LRRC63: variants seen among roughly 807,000 people sequenced by gnomAD.
The protein encoded by LRRC63 is leucine-rich repeat-containing protein 63.
In LRRC63, 40 loss-of-function variants were observed where a neutral mutation model predicts 49.5. The ratio of observed to expected loss-of-function variants is 0.81; its 90% CI spans 0.63 to 1.05. LRRC63 has a LOEUF of 1.05. LRRC63 is among the 50% of genes least tolerant of loss of function. The pLI is 0.00. For missense variants in LRRC63, 636 were observed against 663.1 expected, an observed-to-expected ratio of 0.96 and a Z score of 0.45; for synonymous variants, 191 against 221.1, an observed-to-expected ratio of 0.86 and a Z score of 1.21.
intron 5 of LRRC63, among the ~76,000 whole-genome samples, chr13:46,236,645 C>T (rs2046913276): frequency 6.6e-6 from 1 of 152,094 alleles, no homozygotes; most frequent in South Asian, 2.1e-4. Flanking sequence ...CATTTGTTGC[C>T]AGTACACCTG....
At chr13:46,265,689 A>G (rs2047675261) in intron 8 of LRRC63, among the ~76,000 whole-genome samples, 1 of 152,228 alleles carries the variant, frequency 6.6e-6, no homozygotes, top group Admixed American at 6.5e-5. Flanking sequence ...GGGGGGACAG[A>G]AACATTCAGA....
chr13:46,228,214 AATT>A (rs1190406183), intron 3 of LRRC63, 25 bp downstream of exon 3: 1 of 1,485,476 alleles, frequency 6.7e-7, no homozygotes, highest in African/African-American at 1.4e-5. Context: ...AACACGGTAT[AATT>A]ATAGAGTCAA....
Position 46,234,372 on chromosome 13 carries a change from C to A in LRRC63, c.990+23C>A, listed in dbSNP as rs746195997. The stretch of plus-strand genomic sequence containing the variant: ...AAGGTATGCTAGATCTTTTTAATGA[C>A]AGTGCCCTCCTGTATTATCAATTAT... On this transcript the variant is annotated intron_variant, in intron 5 of 9. Coordinates refer to ENST00000595396, the Ensembl canonical transcript of LRRC63. The A allele has an allele frequency of 1.2e-5, 18 of 1,544,948 alleles. 1 individual carries two copies. In the South Asian group the frequency reaches 1.8e-4, roughly 15 times the overall value.
At chr13:46,263,414 G>A (rs974341081) in intron 8 of LRRC63, among the ~76,000 whole-genome samples, 3 of 151,936 alleles carry the variant, frequency 2.0e-5, no homozygotes, top group African/African-American at 7.3e-5. Context: ...AGCCTCAAGT[G>A]ATCCTACCAC....
intron 7 of LRRC63, 61 bp downstream of exon 7, chr13:46,250,552 A>T (rs2047350699): frequency 7.4e-7 from 1 of 1,352,454 alleles, no homozygotes; most frequent in Admixed American, 2.7e-5. Context: ...GAAAAAGATC[A>T]ATTTCCCCTT....
At chr13:46,241,302 C>G (rs1305728219) in intron 5 of LRRC63, among the ~76,000 whole-genome samples, 2 of 152,156 alleles carry the variant, frequency 1.3e-5, no homozygotes, top group African/African-American at 4.8e-5. Context: ...CCCTTCCATA[C>G]ACCATATACA....
At chr13:46,246,367 A>T (rs113426157) in intron 5 of LRRC63, among the ~76,000 whole-genome samples, 160 bp from the exon 6 acceptor site, 1,827 of 152,268 alleles carry the variant, frequency 0.012, 19 homozygotes, top group Middle Eastern at 0.027. Flanking sequence ...TATTATCATG[A>T]CAGACTAAAA....
At chr13:46,236,565 T>C (rs1391051373) in intron 5 of LRRC63, among the ~76,000 whole-genome samples, 2 of 152,108 alleles carry the variant, frequency 1.3e-5, no homozygotes, top group African/African-American at 4.8e-5. Context: ...CAAAAGTCTA[T>C]ACCCAGAAAA....
intron 5 of LRRC63, among the ~76,000 whole-genome samples, chr13:46,240,936 T>C (rs1472272065): frequency 6.6e-6 from 1 of 152,250 alleles, no homozygotes; most frequent in Non-Finnish European, 1.5e-5. Flanking sequence ...TTGAATGCTA[T>C]TCCTGTTAAA....
exon 1 of LRRC63, chr13:46,212,168 T>G (rs2046110545): frequency 6.6e-6 from 1 of 152,274 alleles, no homozygotes; most frequent in African/African-American, 2.4e-5. Context: ...ATGCCCCTCT[T>G]TGGGTACTAC....
At chr13:46,271,721 T>TAAAA (rs56215272) in intron 9 of LRRC63, among the ~76,000 whole-genome samples, 4 of 132,000 alleles carry the variant, frequency 3.0e-5, no homozygotes, top group Admixed American at 7.6e-5. Flanking sequence ...TCATTTAAAC[T>TAAAA]AAAAAAAAAA....
chr13:46,258,009 C>T (rs756774119), intron 7 of LRRC63, among the ~76,000 whole-genome samples: 4 of 151,490 alleles, frequency 2.6e-5, no homozygotes, highest in Non-Finnish European at 5.9e-5. Flanking sequence ...CCATTCCTAA[C>T]AAGATCTTTC....
At chr13:46,262,411 T>C (rs146312243) in intron 8 of LRRC63, among the ~76,000 whole-genome samples, 12 of 152,322 alleles carry the variant, frequency 7.9e-5, no homozygotes, top group Non-Finnish European at 1.5e-4. Flanking sequence ...AGTACTATAC[T>C]GTTTTGATTG....
intron 9 of LRRC63, among the ~76,000 whole-genome samples, chr13:46,267,238 C>G (rs2138584718): frequency 6.6e-6 from 1 of 152,326 alleles, no homozygotes; most frequent in African/African-American, 2.4e-5. Flanking sequence ...TTGCATAAAT[C>G]TTTTCTATAA....
Position 46,227,499 on chromosome 13 carries a change from T to C in LRRC63, c.86-13T>C, listed in dbSNP as rs1452457083. On this transcript the variant is annotated splice_polypyrimidine_tract_variant and intron_variant, in intron 2 of 9. Transcript: ENST00000595396. ...AAATATAATTTAATTTTTCTTTTTT[T>C]CTTTTGGTTTAGCTAAAACTGGTAA... is the stretch of plus-strand genomic sequence containing the variant. 7.0e-7 allele frequency: 1 copy of C among 1,436,422 alleles called. No homozygotes were observed. The highest frequency in any genetic ancestry group is 2.5e-5 in the East Asian group (1 of 39,466). The allele number at this position is 1,436,422 out of a possible 1,614,324, so 89.0% of individuals were successfully genotyped here.
intron 7 of LRRC63, among the ~76,000 whole-genome samples, chr13:46,259,362 G>A (rs891739676): frequency 2.0e-5 from 3 of 152,140 alleles, no homozygotes; most frequent in Non-Finnish European, 4.4e-5. Flanking sequence ...ATGCCCTGAG[G>A]TTATGCAGAA....
At chr13:46,249,761 C>T (rs78812740) in intron 6 of LRRC63, among the ~76,000 whole-genome samples, 183 of 151,928 alleles carry the variant, frequency 1.2e-3, no homozygotes, top group African/African-American at 4.2e-3. Flanking sequence ...TTAAAGAGAA[C>T]TAATATAAGA....
chr13:46,236,442 T>C (rs536460909), intron 5 of LRRC63, among the ~76,000 whole-genome samples: 37 of 152,262 alleles, frequency 2.4e-4, no homozygotes, highest in African/African-American at 8.4e-4. Flanking sequence ...TGTTTTGTCA[T>C]GTACAAGGGC....
intron 5 of LRRC63, among the ~76,000 whole-genome samples, chr13:46,237,102 A>C (rs935774893): frequency 1.1e-4 from 16 of 152,176 alleles, no homozygotes; most frequent in African/African-American, 3.9e-4. Context: ...ACAGAAAATT[A>C]ATTAAATACA....
Sources: allele counts gnomAD v4.1 joint callset (sites outside exome capture counted in the v4.1 genomes callset), GRCh38; gene constraint gnomAD v4.1.1; transcripts MANE v1.5; gene names NCBI Gene and HGNC (gene_info 2026-07-23, HGNC 2026-07-21).